The following STARD13 variants were observed in gnomAD, a reference collection of about 807,000 sequenced individuals.
The protein encoded by STARD13 is StAR related lipid transfer domain containing 13.
A neutral mutation model predicts 106.4 loss-of-function variants in STARD13; 62 were observed. That is an observed-to-expected ratio of 0.58 (90% confidence interval 0.48 to 0.72). The LOEUF (loss-of-function observed/expected upper bound fraction) is 0.72. STARD13 is among the 30% of genes least tolerant of loss of function. The pLI is 0.00. For synonymous variants in STARD13, 565 were observed against 553.0 expected (o/e 1.02, Z -0.31); for missense variants, 1,387 against 1,424.0 (o/e 0.97, Z 0.42).
At chr13:33,407,662 T>C in the STARD13 span, among the ~76,000 whole-genome samples, 1 of 152,222 alleles carries the variant, frequency 6.6e-6, no homozygotes, top group Non-Finnish European at 1.5e-5. Context: ...TCAGCATCCT[T>C]ATTTTTGAGC....
rs1367646787 is a variant in STARD13 at position 33,130,877 on chromosome 13, A to T, written c.388-588T>A. 1.3e-5 allele frequency among the ~76,000 whole-genome samples: 2 copies of T among 152,234 alleles called. No homozygotes were observed. The highest frequency in any genetic ancestry group is 4.8e-5 in the African/African-American group (2 of 41,458). Reference sequence around the variant, plus strand: ...AACCACTGAATTTCTTTAAGTAGAGATGAGGGAGCCATTCTGGAGATCGCT... The same window carrying T: ...AACCACTGAATTTCTTTAAGTAGAGTTGAGGGAGCCATTCTGGAGATCGCT... On this transcript the variant is annotated intron_variant, in intron 4 of 13. Coordinates refer to ENST00000336934, the MANE Select transcript of STARD13 (RefSeq NM_178006.4). This position sits in a 1 kb window ranked among gnomAD's most constrained non-coding sequence, Gnocchi z 4.1.
the STARD13 span, among the ~76,000 whole-genome samples, chr13:33,522,831 A>G: frequency 6.6e-6 from 1 of 152,130 alleles, no homozygotes; most frequent in Non-Finnish European, 1.5e-5. Context: ...TCAGCATAAC[A>G]TGAATAGCTA....
the STARD13 span, among the ~76,000 whole-genome samples, chr13:33,494,018 C>G: frequency 3.9e-5 from 3 of 76,572 alleles, no homozygotes; most frequent in South Asian, 4.6e-4. Flanking sequence ...CTTTGGGAAC[C>G]CTGTGTTCAT....
the STARD13 span, among the ~76,000 whole-genome samples, chr13:33,499,541 TTCTTCTTCTTC>T: frequency 1.9e-5 from 1 of 53,144 alleles, no homozygotes; most frequent in Admixed American, 2.1e-4. Flanking sequence ...CTTCTTCTTC[TTCTTCTTCTTC>T]TTCTTCTTCT....
chr13:33,453,106 T>A, the STARD13 span, among the ~76,000 whole-genome samples: 1 of 152,278 alleles, frequency 6.6e-6, no homozygotes, highest in African/African-American at 2.4e-5. Flanking sequence ...CATATTTGCC[T>A]TGGCCTTTAG....
At chr13:33,659,544 C>T in the STARD13 span, among the ~76,000 whole-genome samples, 1 of 152,100 alleles carries the variant, frequency 6.6e-6, no homozygotes, top group Non-Finnish European at 1.5e-5. Flanking sequence ...CATTAGAAGT[C>T]GGAGCAGTTG....
the STARD13 span, among the ~76,000 whole-genome samples, chr13:33,401,933 G>C: frequency 6.6e-6 from 1 of 152,076 alleles, no homozygotes; most frequent in Non-Finnish European, 1.5e-5. Flanking sequence ...TTTTACATCT[G>C]TTGTCTTTCC....
chr13:33,436,604 A>G, the STARD13 span, among the ~76,000 whole-genome samples: 9 of 152,222 alleles, frequency 5.9e-5, no homozygotes, highest in African/African-American at 2.2e-4. Context: ...AGGCCACAGC[A>G]TAATAGGCAT....
At chr13:33,356,544 T>A in the STARD13 span, among the ~76,000 whole-genome samples, 1 of 152,198 alleles carries the variant, frequency 6.6e-6, no homozygotes, top group Non-Finnish European at 1.5e-5. Context: ...CTGTGTAATC[T>A]CCATAAGTTA....
chr13:33,314,644 C>G (rs1179930621), intron 1 of STARD13, among the ~76,000 whole-genome samples: 4 of 152,112 alleles, frequency 2.6e-5, no homozygotes, highest in Non-Finnish European at 5.9e-5. Flanking sequence ...ATTCTTATAA[C>G]AACCAATAAC....
At chr13:33,343,278 TA>T (rs886456065) in intron 1 of STARD13, among the ~76,000 whole-genome samples, 97 of 145,678 alleles carry the variant, frequency 6.7e-4, no homozygotes, top group African/African-American at 9.8e-4. Context: ...AATTATTAAT[TA>T]AAAAAAAAAA....
At chr13:33,471,414 C>A in the STARD13 span, among the ~76,000 whole-genome samples, 1 of 152,168 alleles carries the variant, frequency 6.6e-6, no homozygotes. Context: ...AATGCTTAAT[C>A]CTCAGCTTCT....
chr13:33,482,501 T>A, the STARD13 span, among the ~76,000 whole-genome samples: 1 of 152,178 alleles, frequency 6.6e-6, no homozygotes, highest in African/African-American at 2.4e-5. Context: ...AATAAGTATA[T>A]AAAGATAGAT....
intron 1 of STARD13, among the ~76,000 whole-genome samples, chr13:33,247,222 AAAT>A: frequency 1.1e-5 from 1 of 93,826 alleles, no homozygotes; most frequent in Non-Finnish European, 2.6e-5. Flanking sequence ...TAAATAAATT[AAAT>A]AAATAAATAA....
the STARD13 span, among the ~76,000 whole-genome samples, chr13:33,636,564 CCTT>C: frequency 2.6e-5 from 4 of 152,148 alleles, no homozygotes; most frequent in African/African-American, 4.8e-5. Flanking sequence ...AAATTCTAAA[CCTT>C]CTTCCTGTTT....
chr13:33,434,370 A>AAAAAG, the STARD13 span, among the ~76,000 whole-genome samples: 1 of 151,062 alleles, frequency 6.6e-6, no homozygotes, highest in African/African-American at 2.4e-5. Context: ...AAAAAAAAAA[A>AAAAAG]AAAGAAAGAA....
chr13:33,122,196 G>A (rs1876437213), intron 7 of STARD13, among the ~76,000 whole-genome samples: 2 of 152,144 alleles, frequency 1.3e-5, no homozygotes, highest in South Asian at 2.1e-4. Flanking sequence ...TGGCCAGGCT[G>A]GCCCTGAACT....
the STARD13 span, among the ~76,000 whole-genome samples, chr13:33,582,532 G>A: frequency 5.9e-5 from 9 of 152,206 alleles, no homozygotes; most frequent in African/African-American, 1.7e-4. Context: ...ACTGCAGTGA[G>A]TATATCTACG....
At chr13:33,613,563 C>A in the STARD13 span, among the ~76,000 whole-genome samples, 2 of 152,158 alleles carry the variant, frequency 1.3e-5, no homozygotes, top group African/African-American at 4.8e-5. Context: ...CTGGCTTAGC[C>A]AAGCACCCAG....
Sources: gnomAD v4.1 joint callset for allele counts (sites outside exome capture counted in the v4.1 genomes callset) on GRCh38, gnomAD v4.1.1 for gene constraint, Gnocchi (gnomAD v3.1) non-coding constraint, MANE v1.5 for transcripts, NCBI Gene and HGNC (gene_info 2026-07-23, HGNC 2026-07-21) for gene names.